NRG3: variants seen among roughly 807,000 people sequenced by gnomAD.
NRG3 encodes pro-neuregulin-3, membrane-bound isoform.
NRG3 carries 31 observed loss-of-function variants against 66.9 expected under a neutral mutation model. The ratio of observed to expected loss-of-function variants is 0.46; its 90% CI spans 0.35 to 0.63. NRG3 has a LOEUF of 0.63. Among genes scored for constraint, NRG3 ranks in the 20% least tolerant of loss-of-function variants. The probability of loss-of-function intolerance (pLI) is 0.00; values close to 1 mark genes in which losing one functional copy is unlikely to be tolerated. For synonymous variants in NRG3, 393 were observed against 359.4 expected (o/e 1.09, Z -1.06); for missense variants, 910 against 878.9 (o/e 1.04, Z -0.45).
intron 2 of NRG3, among the ~76,000 whole-genome samples, chr10:82,594,565 A>G (rs1371794542): frequency 1.3e-5 from 2 of 152,212 alleles, no homozygotes; most frequent in African/African-American, 2.4e-5. Flanking sequence ...CATCCACACT[A>G]CTGGTGCTTA....
At chr10:82,141,353 C>T (rs2069770629) in intron 1 of NRG3, among the ~76,000 whole-genome samples, 1 of 152,154 alleles carries the variant, frequency 6.6e-6, no homozygotes, top group Admixed American at 6.6e-5. Context: ...ACCTTCCCTG[C>T]TGGGTTGAAG....
chr10:82,743,206 C>A (rs1432237684), intron 3 of NRG3, among the ~76,000 whole-genome samples: 1 of 152,068 alleles, frequency 6.6e-6, no homozygotes, highest in Non-Finnish European at 1.5e-5. Flanking sequence ...GCAGTGTATA[C>A]AGCTTAAACA....
At chr10:82,142,381 C>T (rs1268784544) in intron 1 of NRG3, among the ~76,000 whole-genome samples, 1 of 152,072 alleles carries the variant, frequency 6.6e-6, no homozygotes, top group Non-Finnish European at 1.5e-5. Flanking sequence ...TCTGGCCTCC[C>T]AAGGGAGGCA....
intron 1 of NRG3, among the ~76,000 whole-genome samples, chr10:82,269,292 G>A (rs565929406): frequency 6.6e-6 from 1 of 152,108 alleles, no homozygotes; most frequent in Admixed American, 6.6e-5. Flanking sequence ...GTTAATTCTT[G>A]TTAGTGGCTC....
chr10:81,982,750 C>A (rs910388377), intron 1 of NRG3, among the ~76,000 whole-genome samples: 2 of 152,178 alleles, frequency 1.3e-5, no homozygotes, highest in African/African-American at 4.8e-5. Flanking sequence ...GATTAGGGCC[C>A]ACCCTAAGAG....
intron 3 of NRG3, among the ~76,000 whole-genome samples, chr10:82,784,274 T>G (rs1277636005): frequency 9.9e-5 from 15 of 151,352 alleles, no homozygotes; most frequent in African/African-American, 2.9e-4. Flanking sequence ...AACCTAGGCA[T>G]TACCATTCAG....
rs565077192 is a variant in NRG3 at position 82,074,280 on chromosome 10, G to A, written c.823+198117G>A. Among the ~76,000 whole-genome samples, 4 of 152,236 alleles carry A rather than the reference G, an allele frequency of 2.6e-5. No individual in the cohort carries two copies. In the South Asian group the frequency reaches 6.2e-4, roughly 24 times the overall value. On this transcript the variant is annotated intron_variant, in intron 1 of 8. Transcript: ENST00000372141. ...CAGGGATGAGTATCTGGAGTGCAAT[G>A]GGCAGTGGAAGAGGATTGGGGATCC...
intron 1 of NRG3, chr10:82,166,823 T>G (rs758909999): frequency 1.5e-6 from 1 of 671,244 alleles, no homozygotes; most frequent in Admixed American, 2.1e-5. Context: ...TTCATACAAA[T>G]TTTGTAAGTC....
At chr10:82,846,505 A>G (rs2063314490) in intron 3 of NRG3, among the ~76,000 whole-genome samples, 1 of 152,176 alleles carries the variant, frequency 6.6e-6, no homozygotes, top group South Asian at 2.1e-4. Context: ...ATTATTTTTC[A>G]GTATCAAATA....
chr10:82,416,379 A>G (rs1052884980), intron 2 of NRG3, among the ~76,000 whole-genome samples: 3 of 152,188 alleles, frequency 2.0e-5, no homozygotes, highest in Non-Finnish European at 4.4e-5. Context: ...AGTTTGAACT[A>G]TGTGACCAAG....
At chr10:82,735,577 A>C (rs1017389818) in intron 2 of NRG3, among the ~76,000 whole-genome samples, 2 of 152,260 alleles carry the variant, frequency 1.3e-5, no homozygotes, top group Non-Finnish European at 2.9e-5. Context: ...CTATGCAGCC[A>C]TAAAAAAGAA....
chr10:82,594,223 G>C (rs934805380), intron 2 of NRG3, among the ~76,000 whole-genome samples: 2 of 152,150 alleles, frequency 1.3e-5, no homozygotes, highest in Non-Finnish European at 2.9e-5. Flanking sequence ...GGGTTCATAA[G>C]AAGTGAGTCT....
chr10:82,655,993 A>G (rs2051818600), intron 2 of NRG3, among the ~76,000 whole-genome samples: 2 of 152,198 alleles, frequency 1.3e-5, no homozygotes, highest in Admixed American at 1.3e-4. Context: ...CCTAAAGAAA[A>G]GGGACTCTCA....
intron 1 of NRG3, among the ~76,000 whole-genome samples, chr10:82,097,339 C>T (rs1350018222): frequency 4.1e-5 from 6 of 147,308 alleles, no homozygotes; most frequent in East Asian, 2.0e-4. Context: ...TATTGAAAGA[C>T]GTTTATGTTA....
chr10:82,396,294 C>A (rs560996614), intron 2 of NRG3, among the ~76,000 whole-genome samples: 1 of 152,242 alleles, frequency 6.6e-6, no homozygotes, highest in Non-Finnish European at 1.5e-5. Context: ...TTTCCCTTTA[C>A]TAAGTTCCTC....
chr10:82,937,477 A>G (rs1295390861), intron 4 of NRG3, among the ~76,000 whole-genome samples: 1 of 152,252 alleles, frequency 6.6e-6, no homozygotes, highest in Non-Finnish European at 1.5e-5. Flanking sequence ...GGTAGCCACA[A>G]ACATGTGATG....
chr10:82,643,722 A>G (rs2050736746), intron 2 of NRG3, among the ~76,000 whole-genome samples: 1 of 152,020 alleles, frequency 6.6e-6, no homozygotes, highest in South Asian at 2.1e-4. Flanking sequence ...TTATTGTGAA[A>G]TGACCCTGTT....
intron 1 of NRG3, among the ~76,000 whole-genome samples, chr10:82,038,248 G>T (rs1273240022): frequency 6.6e-6 from 1 of 152,046 alleles, no homozygotes; most frequent in African/African-American, 2.4e-5. Context: ...ATTTCATAAT[G>T]GTTTCTTCAA....
At chr10:82,008,690 A>G (rs1256865130) in intron 1 of NRG3, among the ~76,000 whole-genome samples, 3 of 152,096 alleles carry the variant, frequency 2.0e-5, no homozygotes, top group Non-Finnish European at 4.4e-5. Context: ...TAGTCTCTTT[A>G]TTTTGATCTC....
Sources: gnomAD v4.1 joint callset for allele counts (sites outside exome capture counted in the v4.1 genomes callset) on GRCh38, gnomAD v4.1.1 for gene constraint, MANE v1.5 for transcripts, NCBI Gene and HGNC (gene_info 2026-07-23, HGNC 2026-07-21) for gene names.